DOCK4: variants seen among roughly 807,000 people sequenced by gnomAD.
DOCK4 encodes the protein dedicator of cytokinesis protein 4.
Under a neutral mutation model 268.1 loss-of-function variants are expected in DOCK4, and 97 were observed. That is an observed-to-expected ratio of 0.36 (90% CI 0.31 to 0.43). The LOEUF is 0.43. DOCK4 is among the 20% of genes least tolerant of loss of function. DOCK4 has a pLI of 1.00. For synonymous variants in DOCK4, 954 were observed against 887.2 expected (o/e 1.08, Z -1.34); for missense variants, 2,145 against 2,455.7 (o/e 0.87, Z 2.67).
At chr7:111,905,710 T>TGTGTGTGTGTGC (rs58938757) in intron 13 of DOCK4, among the ~76,000 whole-genome samples, 2 of 151,752 alleles carry the variant, frequency 1.3e-5, no homozygotes, top group African/African-American at 4.9e-5. Context: ...TGTGTGTGTG[T>TGTGTGTGTGTGC]GCACGTGTAT....
intron 1 of DOCK4, among the ~76,000 whole-genome samples, chr7:112,048,579 A>C (rs1444047307): frequency 6.6e-6 from 1 of 151,630 alleles, no homozygotes; most frequent in African/African-American, 2.4e-5. Flanking sequence ...ACAAAAAAAA[A>C]CAAAACAAAC....
chr7:111,852,050 G>A (rs933028308), intron 23 of DOCK4, among the ~76,000 whole-genome samples: 7 of 141,234 alleles, frequency 5.0e-5, no homozygotes, highest in Admixed American at 4.5e-4. Flanking sequence ...TGCAACTTCC[G>A]CCTCCTGGGT....
chr7:112,045,293 C>A (rs188415007), intron 1 of DOCK4, among the ~76,000 whole-genome samples: 1 of 152,290 alleles, frequency 6.6e-6, no homozygotes, highest in East Asian at 1.9e-4. Flanking sequence ...TCAAATGTCA[C>A]CTTACAACAA....
At chr7:111,922,480 A>G (rs1305647478) in intron 12 of DOCK4, among the ~76,000 whole-genome samples, 2 of 152,128 alleles carry the variant, frequency 1.3e-5, no homozygotes, top group African/African-American at 4.8e-5. Flanking sequence ...ATGATGATAT[A>G]TTTTTAAATT....
At chr7:112,200,109 G>A (rs983859773) in intron 1 of DOCK4, among the ~76,000 whole-genome samples, 5 of 152,304 alleles carry the variant, frequency 3.3e-5, no homozygotes, top group African/African-American at 1.2e-4. Context: ...TAAGATGTGA[G>A]TTGCAGTCCT....
intron 1 of DOCK4, among the ~76,000 whole-genome samples, chr7:112,163,507 G>C (rs373634538): frequency 1.3e-5 from 2 of 152,284 alleles, no homozygotes; most frequent in African/African-American, 4.8e-5. Context: ...TCATGCCAAT[G>C]TCAGCCAATG....
At chr7:111,802,723 A>G (rs997985640) in intron 30 of DOCK4, among the ~76,000 whole-genome samples, 7 of 152,182 alleles carry the variant, frequency 4.6e-5, no homozygotes, top group African/African-American at 1.4e-4. Flanking sequence ...TTACAATCAA[A>G]TTTTCTTCAA....
chr7:112,163,154 C>T (rs762489561), intron 1 of DOCK4, among the ~76,000 whole-genome samples: 4 of 152,178 alleles, frequency 2.6e-5, no homozygotes, highest in Non-Finnish European at 5.9e-5. Flanking sequence ...CACATCATGT[C>T]CTTTGTCTCA....
chr7:111,935,495 T>C, intron 12 of DOCK4, 45 bp downstream of exon 12: 1 of 1,566,106 alleles, frequency 6.4e-7, no homozygotes. Flanking sequence ...AAAAAAGGGC[T>C]TGGAACGAAA....
intron 7 of DOCK4, among the ~76,000 whole-genome samples, chr7:111,980,117 A>G (rs1798499805): frequency 6.6e-6 from 1 of 152,124 alleles, no homozygotes; most frequent in Non-Finnish European, 1.5e-5. Flanking sequence ...ATGGGCTTGA[A>G]CTTTTGTTCT....
At chr7:111,848,657 G>C (rs895806994) in intron 23 of DOCK4, among the ~76,000 whole-genome samples, 1 of 152,104 alleles carries the variant, frequency 6.6e-6, no homozygotes, top group Non-Finnish European at 1.5e-5. Flanking sequence ...CATGGTCTGG[G>C]GCGGGGACTC....
intron 11 of DOCK4, among the ~76,000 whole-genome samples, chr7:111,938,566 C>T (rs1794926925): frequency 6.6e-6 from 1 of 152,104 alleles, no homozygotes; most frequent in South Asian, 2.1e-4. Context: ...GGGGAGGTGG[C>T]ACGGTGGTGT....
chr7:111,808,770 G>T (rs1300012907), intron 30 of DOCK4, 51 bp downstream of exon 30: 1 of 1,560,162 alleles, frequency 6.4e-7, no homozygotes, highest in Admixed American at 1.8e-5. Context: ...TACACTTCAA[G>T]GTACAGCGAG....
At position 112,147,342 on chromosome 7, in the gene DOCK4, G is replaced by C. The variant is rs148358879; in HGVS notation, c.37+58760C>G. Among the ~76,000 whole-genome samples, 473 of 152,216 alleles carry C rather than the reference G, an allele frequency of 3.1e-3. 12 individuals are homozygous for C. The highest frequency in any genetic ancestry group is 0.023 in the Admixed American group (353 of 15,282). The stretch of plus-strand genomic sequence containing the variant: ...GGAGATCCAAACCTAGGTTCTACTA[G>C]TACCAGAATAGACAATTTTTTAGTC... On this transcript the variant is annotated intron_variant, in intron 1 of 52. Transcript: ENST00000428084.
intron 32 of DOCK4, among the ~76,000 whole-genome samples, chr7:111,786,934 A>G (rs1403078310): frequency 6.6e-6 from 1 of 152,214 alleles, no homozygotes; most frequent in Non-Finnish European, 1.5e-5. Context: ...CATGAAAGGA[A>G]ATTATTTATA....
chr7:112,031,946 T>C (rs1401796549), intron 1 of DOCK4, among the ~76,000 whole-genome samples: 1 of 152,124 alleles, frequency 6.6e-6, no homozygotes, highest in African/African-American at 2.4e-5. Flanking sequence ...ACAAAAAGCA[T>C]GTCTACCAAA....
chr7:112,022,324 G>C (rs1802393012), intron 1 of DOCK4, among the ~76,000 whole-genome samples: 1 of 152,216 alleles, frequency 6.6e-6, no homozygotes, highest in South Asian at 2.1e-4. Context: ...GTATTTTATA[G>C]ATGAGGAAAG....
intron 23 of DOCK4, among the ~76,000 whole-genome samples, chr7:111,850,735 A>G (rs113109267): frequency 0.21 from 29,869 of 141,692 alleles, 3,643 homozygotes; most frequent in African/African-American, 0.35. Flanking sequence ...TGTGACCCCC[A>G]CCCCTGCCCT....
chr7:111,825,294 G>T (rs548862391), intron 26 of DOCK4, among the ~76,000 whole-genome samples: 3 of 152,174 alleles, frequency 2.0e-5, no homozygotes, highest in Admixed American at 1.3e-4. Context: ...GCAAGTCTTT[G>T]TCTACTGCCA....
Sources: gnomAD v4.1 joint callset for allele counts (sites outside exome capture counted in the v4.1 genomes callset) on GRCh38, gnomAD v4.1.1 for gene constraint, MANE v1.5 for transcripts, NCBI Gene and HGNC (gene_info 2026-07-23, HGNC 2026-07-21) for gene names.